Variants in SLC1A1 observed in about 807,000 individuals in gnomAD.
The protein encoded by SLC1A1 is solute carrier family 1 member 1, also known as excitatory amino acid transporter 3.
In SLC1A1, 43 loss-of-function variants were observed where a neutral mutation model predicts 53.3. The observed-to-expected ratio is 0.81, with a 90% CI of 0.63 to 1.04. SLC1A1 has a LOEUF of 1.04. SLC1A1 is among the 50% of genes least tolerant of loss of function. SLC1A1 has a pLI of 0.00. For missense variants in SLC1A1, 748 were observed against 664.9 expected (o/e 1.12, Z -1.37); for synonymous variants, 307 against 243.2 (o/e 1.26, Z -2.44).
chr9:4,544,896 A>T (rs1028174651), intron 2 of SLC1A1, among the ~76,000 whole-genome samples, 189 bp downstream of exon 2: 1 of 152,222 alleles, frequency 6.6e-6, no homozygotes, highest in African/African-American at 2.4e-5. Context: ...CTCCTTCACA[A>T]GGTGGCAGGA....
chr9:4,572,698 C>T (rs897958497), intron 7 of SLC1A1, among the ~76,000 whole-genome samples: 1 of 152,130 alleles, frequency 6.6e-6, no homozygotes, highest in African/African-American at 2.4e-5. Flanking sequence ...TAGGCATGTA[C>T]CACCATGCCC....
intron 1 of SLC1A1, among the ~76,000 whole-genome samples, chr9:4,542,170 GA>G (rs893364457): frequency 1.3e-5 from 2 of 150,752 alleles, no homozygotes; most frequent in African/African-American, 4.9e-5. Flanking sequence ...GAGGGGAGGG[GA>G]AAAGGAAAGG....
chr9:4,576,641 C>T lies in SLC1A1; in HGVS notation c.1071C>T (p.Phe357=), dbSNP rs372708972. ...AGGTGGACAAGAGGATCACTCGATT[C>T]GTGTTACCCGTTGGTGCAACAATCA... ...NNQVDKRITR[F]VLPVGATINM... Residue 357 remains phenylalanine (F), a synonymous_variant, in exon 10 of 12, where the codon TTC becomes TTT. Coordinates refer to ENST00000262352, the MANE Select transcript of SLC1A1 (RefSeq NM_004170.6). 95 of 1,613,972 alleles carry T rather than the reference C, an allele frequency of 5.9e-5. No homozygotes were observed. Among genetic ancestry groups the T allele is most frequent in the Non-Finnish European group, 7.4e-5 (87 of 1,179,946 alleles).
chr9:4,568,928 G>A (rs2129743783), intron 6 of SLC1A1, among the ~76,000 whole-genome samples: 1 of 152,246 alleles, frequency 6.6e-6, no homozygotes, highest in Admixed American at 6.5e-5. Flanking sequence ...GTTATATATT[G>A]ATTGTTTGCT....
intron 1 of SLC1A1, among the ~76,000 whole-genome samples, chr9:4,492,247 G>A (rs966286884): frequency 2.6e-5 from 4 of 152,020 alleles, no homozygotes; most frequent in Non-Finnish European, 4.4e-5. Context: ...ATTTCCTTTA[G>A]GCCAAAGAGA....
rs56022903 is a variant in SLC1A1 at position 4,537,430 on chromosome 9, G to A, written c.92-7137G>A. On this transcript the variant is annotated intron_variant, in intron 1 of 11. Coordinates refer to ENST00000262352, the MANE Select transcript of SLC1A1 (RefSeq NM_004170.6). ...AAAAATTAGCCGGGCGCGGTGGCGG[G>A]CGCCTGTAGTCCCAGCTACTCGGGA... Among the ~76,000 whole-genome samples the A allele has an allele frequency of 8.1e-3, 792 of 97,540 alleles. 215 individuals carry two copies. The highest frequency in any genetic ancestry group is 0.03 in the African/African-American group (753 of 25,430). 64.0% of individuals were successfully genotyped at this position (97,540 alleles called of 152,430 possible).
chr9:4,545,109 G>A (rs1294707351), intron 2 of SLC1A1, among the ~76,000 whole-genome samples: 2 of 151,560 alleles, frequency 1.3e-5, no homozygotes, highest in Non-Finnish European at 2.9e-5. Context: ...GCCTAACCAT[G>A]TCATTCTCTA....
Position 4,549,127 on chromosome 9 carries a change from A to T in SLC1A1, c.232+4420A>T. ...GATTGGAGCCTCCTATGACCAACAC[A>T]GGGACAGAACAGCACCTCCAGTCCC... On this transcript the variant is annotated intron_variant, in intron 2 of 11. Coordinates refer to ENST00000262352, the MANE Select transcript of SLC1A1 (RefSeq NM_004170.6). The surrounding 1 kb of genome is among the most constrained non-coding windows in gnomAD (Gnocchi z 4.1). Among the ~76,000 whole-genome samples, 1 of 152,208 alleles carries T rather than the reference A, an allele frequency of 6.6e-6. No homozygotes were observed. Among genetic ancestry groups the T allele is most frequent in the Non-Finnish European group, 1.5e-5 (1 of 68,044 alleles).
intron 1 of SLC1A1, among the ~76,000 whole-genome samples, chr9:4,535,622 G>A (rs1027003764): frequency 9.2e-5 from 14 of 152,212 alleles, no homozygotes; most frequent in African/African-American, 2.2e-4. Flanking sequence ...TTGTGAAAAC[G>A]GCCATACTGC....
chr9:4,575,338 T>A (rs1181605113), intron 8 of SLC1A1, among the ~76,000 whole-genome samples: 1 of 152,184 alleles, frequency 6.6e-6, no homozygotes. Context: ...TGTATTTCCA[T>A]GTGAAACAAT....
rs13292482 is a variant in SLC1A1, at chr9:4,583,882, T to A, written c.1328+710T>A. Among the ~76,000 whole-genome samples, 1,207 of 136,994 alleles carry A rather than the reference T, an allele frequency of 8.8e-3. 9 individuals are homozygous for A. Among genetic ancestry groups the A allele is most frequent in the African/African-American group, 0.031 (1,086 of 35,308 alleles). 89.9% of individuals were successfully genotyped at this position (136,994 alleles called of 152,430 possible). A position where few individuals can be genotyped will look rare whatever the true frequency, so the allele number is the denominator to read the frequency against. Reference sequence around the variant, plus strand: ...CTCTCTCTCTCTCTCTCTCTCTCTCTCACACACACACACACACACACACAC... The same window carrying A: ...CTCTCTCTCTCTCTCTCTCTCTCTCACACACACACACACACACACACACAC... On this transcript the variant is annotated intron_variant, in intron 11 of 11. Coordinates refer to ENST00000262352, the MANE Select transcript of SLC1A1 (RefSeq NM_004170.6). This position sits in a 1 kb window ranked among gnomAD's most constrained non-coding sequence, Gnocchi z 4.6.
intron 1 of SLC1A1, among the ~76,000 whole-genome samples, chr9:4,492,448 C>T (rs1380061859): frequency 1.4e-5 from 2 of 147,880 alleles, no homozygotes; most frequent in East Asian, 4.0e-4. Context: ...TGCCACTGCA[C>T]TCCCGCCTGG....
intron 10 of SLC1A1, among the ~76,000 whole-genome samples, chr9:4,582,648 G>A (rs926015945): frequency 2.1e-4 from 32 of 152,200 alleles, no homozygotes; most frequent in African/African-American, 7.5e-4. Context: ...GAGGTACCTG[G>A]CACTTATTTA....
chr9:4,496,613 A>T (rs1820432222), intron 1 of SLC1A1, among the ~76,000 whole-genome samples: 1 of 151,972 alleles, frequency 6.6e-6, no homozygotes, highest in Non-Finnish European at 1.5e-5. Flanking sequence ...ATAAAAATGC[A>T]GCTGAGCATG....
At chr9:4,528,904 C>G (rs1816366843) in intron 1 of SLC1A1, among the ~76,000 whole-genome samples, 1 of 152,116 alleles carries the variant, frequency 6.6e-6, no homozygotes, top group African/African-American at 2.4e-5. Context: ...AGTGTCCCAT[C>G]CAAAACTGAA....
At position 4,532,283 on chromosome 9, in the gene SLC1A1, G is replaced by A. The variant is rs184837122; in HGVS notation, c.92-12284G>A. Among the ~76,000 whole-genome samples, 174 of 152,118 alleles carry A rather than the reference G, an allele frequency of 1.1e-3. 1 individual carries two copies. The highest frequency in any genetic ancestry group is 3.4e-3 in the African/African-American group (141 of 41,514). On this transcript the variant is annotated intron_variant, in intron 1 of 11. Transcript: ENST00000262352. ...TACTCTGAGCTAAAGGAGGAAGTTCGAACCCAAGGCTAAGAAGTTAAAAAC... is the reference window on the plus strand; with the variant it reads ...TACTCTGAGCTAAAGGAGGAAGTTCAAACCCAAGGCTAAGAAGTTAAAAAC...
At chr9:4,533,918 C>G (rs1433063772) in intron 1 of SLC1A1, among the ~76,000 whole-genome samples, 3 of 152,174 alleles carry the variant, frequency 2.0e-5, no homozygotes, top group Non-Finnish European at 4.4e-5. Context: ...CTCAAAACCA[C>G]TCAACTACAT....
intron 1 of SLC1A1, among the ~76,000 whole-genome samples, chr9:4,498,162 C>T (rs527820339): frequency 4.6e-5 from 7 of 152,250 alleles, no homozygotes; most frequent in African/African-American, 1.4e-4. Flanking sequence ...GCCAGAGGAA[C>T]TCTTCTGTAA....
chr9:4,580,795 T>C (rs184827294), intron 10 of SLC1A1, among the ~76,000 whole-genome samples: 29 of 152,168 alleles, frequency 1.9e-4, no homozygotes, highest in Admixed American at 3.3e-4. Context: ...GTAGTAATAA[T>C]ACCAGTGGCA....
Sources: gnomAD v4.1 joint callset for allele counts (sites outside exome capture counted in the v4.1 genomes callset) on GRCh38, gnomAD v4.1.1 for gene constraint, Gnocchi (gnomAD v3.1) non-coding constraint, MANE v1.5 for transcripts, NCBI Gene and HGNC (gene_info 2026-07-23, HGNC 2026-07-21) for gene names.